ITGB3BP: variants seen among roughly 807,000 people sequenced by gnomAD.
The protein encoded by ITGB3BP is integrin subunit beta 3 binding protein.
A neutral mutation model predicts 29.1 loss-of-function variants in ITGB3BP; 27 were observed. The observed-to-expected ratio is 0.93, with a 90% CI of 0.68 to 1.28. The LOEUF (loss-of-function observed/expected upper bound fraction) is 1.28. Among genes scored for constraint, ITGB3BP ranks in the 50% most tolerant of loss-of-function variants. The pLI is 0.00. For missense variants in ITGB3BP, 192 were observed against 200.2 expected, an observed-to-expected ratio of 0.96 and a Z score of 0.25; for synonymous variants, 61 against 61.4, an observed-to-expected ratio of 0.99 and a Z score of 0.03.
chr1:63,490,380 C>A lies in ITGB3BP; in HGVS notation c.49-162G>T, dbSNP rs570951566. ...TATCACTCTCAAAGTAAACACTATT[C>A]TTTCAAGGTAGATATTTCAGGTCTC... On this transcript the variant is annotated intron_variant, in intron 2 of 8. Transcript: ENST00000271002. 1.0e-3 allele frequency among the ~76,000 whole-genome samples: 158 copies of A among 152,130 alleles called. 1 individual carries two copies. Among genetic ancestry groups the A allele is most frequent in the Non-Finnish European group, 7.2e-4 (49 of 68,008 alleles).
chr1:63,500,014 A>C (rs975712532), intron 2 of ITGB3BP, among the ~76,000 whole-genome samples: 1 of 152,196 alleles, frequency 6.6e-6, no homozygotes, highest in Non-Finnish European at 1.5e-5. Context: ...AAAGAAATAA[A>C]AGGCGTAGAT....
chr1:63,472,437 TCCCTCTCCCTCTC>T lies in ITGB3BP; in HGVS notation c.254+6314_254+6326del, dbSNP rs202187647. On this transcript the variant is annotated intron_variant, in intron 4 of 8. Coordinates refer to ENST00000271002, the MANE Select transcript of ITGB3BP (RefSeq NM_014288.5). ...GATCATTTAAAACTGATCCACCCTC[TCCCTCTCCCTCTC>T]CCCTCTCCCCTCTCCCCTCTCCCCT... Among the ~76,000 whole-genome samples, 528 of 105,708 alleles carry T rather than the reference TCCCTCTCCCTCTC, an allele frequency of 5.0e-3. 10 individuals carry two copies. Among genetic ancestry groups the T allele is most frequent in the Admixed American group, 7.3e-3 (68 of 9,342 alleles). 69.3% of individuals were successfully genotyped at this position (105,708 alleles called of 152,430 possible). A position where few individuals can be genotyped will look rare whatever the true frequency, so the allele number is the denominator to read the frequency against.
chr1:63,472,946 A>C (rs1645234893), intron 4 of ITGB3BP, among the ~76,000 whole-genome samples: 1 of 144,496 alleles, frequency 6.9e-6, no homozygotes, highest in African/African-American at 2.6e-5. Context: ...ATCATCTGGG[A>C]TATGAGGAGC....
chr1:63,488,965 T>C (rs888685094), intron 3 of ITGB3BP, among the ~76,000 whole-genome samples: 20 of 152,090 alleles, frequency 1.3e-4, no homozygotes, highest in Admixed American at 2.6e-4. Context: ...AATTTCAATA[T>C]GGAAATTGAG....
At chr1:63,527,299 A>G (rs986121998), upstream of ITGB3BP, among the ~76,000 whole-genome samples, 1 of 152,170 alleles carries the variant, frequency 6.6e-6, no homozygotes, top group African/African-American at 2.4e-5. Context: ...CTTCAGTGTT[A>G]TATACACTTT....
chr1:63,497,081 T>A (rs966732591), intron 2 of ITGB3BP, among the ~76,000 whole-genome samples: 5 of 152,158 alleles, frequency 3.3e-5, no homozygotes, highest in Non-Finnish European at 5.9e-5. Context: ...ATAGGTTTTT[T>A]AAATGAAATG....
intron 3 of ITGB3BP, among the ~76,000 whole-genome samples, chr1:63,482,782 T>C (rs934003368): frequency 1.3e-5 from 2 of 151,512 alleles, no homozygotes; most frequent in African/African-American, 4.9e-5. Context: ...GCCTTCCGAG[T>C]AGCTGGGACT....
chr1:63,472,431 A>ACCCTCTCCCTCT (rs200905947), intron 4 of ITGB3BP, among the ~76,000 whole-genome samples: 3,266 of 116,824 alleles, frequency 0.028, 164 homozygotes, highest in Middle Eastern at 0.042. Flanking sequence ...AAACTGATCC[A>ACCCTCTCCCTCT]CCCTCTCCCT....
intron 1 of ITGB3BP, 92 bp downstream of exon 1, chr1:63,523,037 T>C (rs774005161): frequency 1.9e-5 from 28 of 1,495,296 alleles, no homozygotes; most frequent in East Asian, 1.4e-4. Context: ...TCCGAAAAAA[T>C]AGGAAAACGA....
At chr1:63,519,237 G>T (rs186552732) in intron 1 of ITGB3BP, among the ~76,000 whole-genome samples, 2 of 152,058 alleles carry the variant, frequency 1.3e-5, no homozygotes, top group Non-Finnish European at 2.9e-5. Context: ...GCTTAAACAT[G>T]TTGAGAACTC....
intron 2 of ITGB3BP, among the ~76,000 whole-genome samples, chr1:63,498,137 A>G (rs1240793901): frequency 6.6e-6 from 1 of 152,196 alleles, no homozygotes; most frequent in African/African-American, 2.4e-5. Flanking sequence ...GCATTCAATA[A>G]TGAATAGAAA....
intron 2 of ITGB3BP, among the ~76,000 whole-genome samples, chr1:63,493,963 T>C (rs952285764): frequency 3.3e-5 from 5 of 152,220 alleles, no homozygotes; most frequent in African/African-American, 1.2e-4. Context: ...GAGATAATTC[T>C]TCATAAACTT....
Position 63,508,055 on chromosome 1 carries a change from A to G in ITGB3BP, c.48+473T>C, listed in dbSNP as rs554575398. Among the ~76,000 whole-genome samples, 15 of 152,304 alleles carry G rather than the reference A, an allele frequency of 9.8e-5. 1 individual carries two copies. In the South Asian group the frequency reaches 3.1e-3, roughly 32 times the overall value. ...ATTTTCATTGTGATAACTGTGGTGC[A>G]ATTTATTACGGTGTTAGTATTATGC... On this transcript the variant is annotated intron_variant, in intron 2 of 8. Transcript: ENST00000271002.
intron 4 of ITGB3BP, among the ~76,000 whole-genome samples, chr1:63,475,960 T>C (rs138602279): frequency 1.4e-4 from 20 of 146,012 alleles, no homozygotes; most frequent in Admixed American, 4.9e-4. Flanking sequence ...ATTGTGTCAT[T>C]GCATTCCAGA....
At chr1:63,521,510 CAT>C (rs911713550) in intron 1 of ITGB3BP, among the ~76,000 whole-genome samples, 1 of 152,058 alleles carries the variant, frequency 6.6e-6, no homozygotes, top group Non-Finnish European at 1.5e-5. Flanking sequence ...ATCTTGTGTG[CAT>C]ATGTTAGGAA....
chr1:63,505,203 T>C (rs1426295294), intron 2 of ITGB3BP, among the ~76,000 whole-genome samples: 2 of 152,210 alleles, frequency 1.3e-5, no homozygotes, highest in Non-Finnish European at 2.9e-5. Flanking sequence ...GTTATTGGTC[T>C]ATTCGGAGGT....
chr1:63,512,324 T>C (rs2100791974), intron 1 of ITGB3BP, among the ~76,000 whole-genome samples: 1 of 152,138 alleles, frequency 6.6e-6, no homozygotes, highest in East Asian at 1.9e-4. Context: ...CTCTGGTTCA[T>C]CAGAACAGAA....
intron 4 of ITGB3BP, among the ~76,000 whole-genome samples, chr1:63,477,790 C>A (rs1645367245): frequency 6.6e-6 from 1 of 152,010 alleles, no homozygotes; most frequent in African/African-American, 2.4e-5. Context: ...TCTTTAGTGT[C>A]CATTGGTGTG....
chr1:63,485,181 G>A (rs1024973298), intron 3 of ITGB3BP, among the ~76,000 whole-genome samples: 6 of 151,792 alleles, frequency 4.0e-5, no homozygotes, highest in African/African-American at 7.3e-5. Flanking sequence ...ATTAATATAC[G>A]TCAAGTACCA....
Sources: gnomAD v4.1 joint callset for allele counts (sites outside exome capture counted in the v4.1 genomes callset) on GRCh38, gnomAD v4.1.1 for gene constraint, MANE v1.5 for transcripts, NCBI Gene and HGNC (gene_info 2026-07-23, HGNC 2026-07-21) for gene names.